DMD: variants seen among roughly 807,000 people sequenced by gnomAD.
DMD encodes the protein mutant dystrophin.
Under a neutral mutation model 330.1 loss-of-function variants are expected in DMD, and 63 were observed. That is an observed-to-expected ratio of 0.19 (90% CI 0.16 to 0.24). The LOEUF (loss-of-function observed/expected upper bound fraction) is 0.24, where lower values mean the gene tolerates loss of function less well. Ranked by LOEUF, DMD falls within the 10% of genes least tolerant of loss-of-function variation. DMD has a pLI of 1.00. For synonymous variants in DMD, 1,223 were observed against 959.8 expected, an observed-to-expected ratio of 1.27 and a Z score of -5.07; for missense variants, 3,344 against 2,684.1, an observed-to-expected ratio of 1.25 and a Z score of -5.43.
intron 59 of DMD, among the ~76,000 whole-genome samples, chrX:31,450,410 A>G (rs1365981718): frequency 8.9e-6 from 1 of 112,070 alleles, no homozygotes; most frequent in Non-Finnish European, 1.9e-5. Flanking sequence ...AGAGGATCAG[A>G]GGCCTACTGG....
At chrX:32,758,005 C>T (rs182857747) in intron 7 of DMD, among the ~76,000 whole-genome samples, 44 of 111,765 alleles carry the variant, frequency 3.9e-4, no homozygotes, top group Non-Finnish European at 8.1e-4. Flanking sequence ...AGGGACATTT[C>T]TGAGGACAGT....
intron 2 of DMD, among the ~76,000 whole-genome samples, chrX:32,946,947 A>T (rs2090861067): frequency 8.9e-6 from 1 of 112,324 alleles, no homozygotes; most frequent in Admixed American, 9.5e-5. Flanking sequence ...AATATCAGCA[A>T]AGGCAGAGGA....
chrX:31,869,591 C>T (rs955849728), intron 48 of DMD, among the ~76,000 whole-genome samples: 3 of 108,314 alleles, frequency 2.8e-5, no homozygotes, highest in Non-Finnish European at 5.7e-5. Context: ...ACGTGACTGC[C>T]CATATTATTA....
intron 2 of DMD, among the ~76,000 whole-genome samples, chrX:32,902,158 A>AACACACACACACACACACACAC (rs774414536): frequency 1.2e-5 from 1 of 86,634 alleles, no homozygotes; most frequent in Admixed American, 1.3e-4. Context: ...CACACACACA[A>AACACACACACACACACACACAC]ACACACACAC....
intron 7 of DMD, among the ~76,000 whole-genome samples, chrX:32,784,245 A>G (rs1379065162): frequency 8.9e-6 from 1 of 111,778 alleles, no homozygotes; most frequent in Non-Finnish European, 1.9e-5. Flanking sequence ...AAGGTTAAGA[A>G]CCCGAGGTGT....
rs544580497 is a variant in DMD at position 31,862,219 on chromosome X, C to T, written c.7098+12969G>A. On this transcript the variant is annotated intron_variant, in intron 48 of 78. Transcript: ENST00000357033. ...TGCAATCTCGGCTCACTGCAACCTC[C>T]GCCTCCAGGTTCAAGGGATTCTCCT... 1.4e-4 allele frequency among the ~76,000 whole-genome samples: 15 copies of T among 110,885 alleles called. No individual in the cohort carries two copies. The East Asian group carries it at 3.4e-3, about 25-fold the overall frequency.
At position 32,401,754 on chromosome X, in the gene DMD, G is replaced by T. The variant is rs138146275; in HGVS notation, c.4233+9998C>A. On this transcript the variant is annotated intron_variant, in intron 30 of 78. Coordinates refer to ENST00000357033, the MANE Select transcript of DMD (RefSeq NM_004006.3). ...ATATCACAAAGGATAGATGCTTAAG[G>T]TGATAGACACCCCATTTACCCTGAT... 7.2e-3 allele frequency among the ~76,000 whole-genome samples: 814 copies of T among 112,607 alleles called. 9 individuals are homozygous for T. Among genetic ancestry groups the T allele is most frequent in the African/African-American group, 0.024 (761 of 31,072 alleles).
At chrX:32,052,623 T>G (rs935379493) in intron 44 of DMD, among the ~76,000 whole-genome samples, 4 of 111,597 alleles carry the variant, frequency 3.6e-5, no homozygotes, top group Admixed American at 1.9e-4. Flanking sequence ...CAAAAATCAG[T>G]AACATCACAC....
At chrX:32,122,826 T>C (rs1357504760) in intron 44 of DMD, among the ~76,000 whole-genome samples, 1 of 111,355 alleles carries the variant, frequency 9.0e-6, no homozygotes, top group Non-Finnish European at 1.9e-5. Flanking sequence ...TTTAAATTGT[T>C]GTTATTTAAG....
intron 55 of DMD, among the ~76,000 whole-genome samples, chrX:31,602,205 G>A (rs2077401598): frequency 9.0e-6 from 1 of 110,963 alleles, no homozygotes; most frequent in African/African-American, 3.3e-5. Flanking sequence ...CATAATGCAA[G>A]GTGCTTCCAT....
rs1019322118 is a variant in DMD, at chrX:31,348,381, T to C, written c.9163+175A>G. Reference sequence around the variant, plus strand: ...GACAAAATGATCCAATTGGCCTTCCTCTTCCTAACCTTCTCAACTTATCAA... The same window carrying C: ...GACAAAATGATCCAATTGGCCTTCCCCTTCCTAACCTTCTCAACTTATCAA... On this transcript the variant is annotated intron_variant, in intron 61 of 78. Transcript: ENST00000357033. 1.6e-5 allele frequency: 8 copies of C among 496,830 alleles called. No homozygotes were observed. The African/African-American group carries it at 1.7e-4, about 10-fold the overall frequency. 40.9% of individuals were successfully genotyped at this position (496,830 alleles called of 1,213,427 possible).
intron 63 of DMD, among the ~76,000 whole-genome samples, chrX:31,228,283 A>G (rs748946660): frequency 2.7e-3 from 296 of 109,225 alleles, no homozygotes; most frequent in Non-Finnish European, 4.4e-3. Context: ...AATAAAAAAA[A>G]AAAAAAAAGA....
In DMD at chrX:32,491,282, A is replaced by G. The variant is rs200872948; in HGVS notation, c.2617T>C (p.Cys873Arg). 14 of 1,210,532 alleles carry G rather than the reference A, an allele frequency of 1.2e-5. No individual in the cohort carries two copies. Among genetic ancestry groups the G allele is most frequent in the South Asian group, 1.8e-5 (1 of 56,901 alleles). Residue 873 changes from cysteine (C) to arginine (R), a missense_variant, in exon 20 of 79, where the codon TGT becomes CGT. Physicochemically the swap from Cys to Arg is radical, Grantham distance 180. Coordinates refer to ENST00000357033, the MANE Select transcript of DMD (RefSeq NM_004006.3). ...PTAIKSQLKI[C>R]KDEVNRLSDL... ...GAAGGAGAAGAGATTCTTACCTTACAAATTTTTAACTGACTTTTAATTGCT... is the reference window on the plus strand; with the variant it reads ...GAAGGAGAAGAGATTCTTACCTTACGAATTTTTAACTGACTTTTAATTGCT...
rs961355203 is a variant in DMD, at chrX:31,417,055, A to G, written c.9084+27426T>C. ...CAAACTTGAAAGGAAACAGGAGCCC[A>G]TATTATAGCACAGGCTTTTAAATTT... On this transcript the variant is annotated intron_variant, in intron 60 of 78. Transcript: ENST00000357033. Among the ~76,000 whole-genome samples, 7 of 112,262 alleles carry G rather than the reference A, an allele frequency of 6.2e-5. No homozygotes were observed. In the East Asian group the frequency reaches 2.0e-3, roughly 31 times the overall value.
At chrX:31,894,701 G>C (rs1169308624) in intron 47 of DMD, among the ~76,000 whole-genome samples, 2 of 112,035 alleles carry the variant, frequency 1.8e-5, no homozygotes, top group Non-Finnish European at 3.8e-5. Flanking sequence ...CTGTCCATTA[G>C]AGCATCTCTA....
At chrX:31,156,094 T>A (rs1025832544) in intron 74 of DMD, among the ~76,000 whole-genome samples, 1 of 111,623 alleles carries the variant, frequency 9.0e-6, no homozygotes, top group Admixed American at 9.5e-5. Flanking sequence ...AAGACATTAA[T>A]AAGGATAAGC....
At chrX:32,376,920 C>T (rs1375973182) in intron 34 of DMD, among the ~76,000 whole-genome samples, 1 of 111,139 alleles carries the variant, frequency 9.0e-6, no homozygotes, top group East Asian at 2.8e-4. Context: ...TTATACTTTT[C>T]TAATTTAGGA....
chrX:32,642,210 G>C (rs1220191877), intron 11 of DMD, among the ~76,000 whole-genome samples: 1 of 111,866 alleles, frequency 8.9e-6, no homozygotes, highest in Non-Finnish European at 1.9e-5. Flanking sequence ...TTCTGAATTT[G>C]TGTTGCTCAA....
intron 44 of DMD, among the ~76,000 whole-genome samples, chrX:31,986,904 CA>C (rs1304523923): frequency 8.9e-6 from 1 of 111,972 alleles, no homozygotes; most frequent in African/African-American, 3.2e-5. Flanking sequence ...AATAGTGAGA[CA>C]AAATGTCTGA....
Sources: allele counts gnomAD v4.1 joint callset (sites outside exome capture counted in the v4.1 genomes callset), GRCh38; gene constraint gnomAD v4.1.1; transcripts MANE v1.5; gene names NCBI Gene and HGNC (gene_info 2026-07-23, HGNC 2026-07-21).